The following SLC39A14 variants were observed in gnomAD, a reference collection of about 807,000 sequenced individuals.
SLC39A14 encodes solute carrier family 39 member 14, also known as metal cation symporter ZIP14.
In SLC39A14, 19 loss-of-function variants were observed where a neutral mutation model predicts 45.5. The observed-to-expected ratio is 0.42, with a 90% CI of 0.29 to 0.61. The LOEUF (loss-of-function observed/expected upper bound fraction) is 0.61. SLC39A14 is among the 20% of genes least tolerant of loss of function. SLC39A14 has a pLI of 0.22. For missense variants in SLC39A14, 447 were observed against 616.5 expected (o/e 0.73, Z 2.91); for synonymous variants, 264 against 251.3 (o/e 1.05, Z -0.48).
intron 1 of SLC39A14, among the ~76,000 whole-genome samples, chr8:22,392,560 A>G (rs1006164952): frequency 6.6e-6 from 1 of 152,180 alleles, no homozygotes; most frequent in Non-Finnish European, 1.5e-5. Context: ...GACAAATGGG[A>G]GTGAACTTGG....
At chr8:22,379,576 T>A (rs976242410) in intron 1 of SLC39A14, 3 of 152,220 alleles carry the variant, frequency 2.0e-5, no homozygotes, top group Non-Finnish European at 2.9e-5. Context: ...TGCAGTACAG[T>A]CAGCTCGCAG....
intron 3 of SLC39A14, among the ~76,000 whole-genome samples, chr8:22,411,246 G>T (rs766448872): frequency 6.6e-6 from 1 of 152,202 alleles, no homozygotes; most frequent in Admixed American, 6.5e-5. Context: ...TCTCATCCTG[G>T]TCTGGTTCTG....
chr8:22,388,206 A>G (rs1374360379), intron 1 of SLC39A14, among the ~76,000 whole-genome samples: 1 of 152,168 alleles, frequency 6.6e-6, no homozygotes, highest in Non-Finnish European at 1.5e-5. Context: ...TGGGGATGGG[A>G]CTGGTGCTGG....
At chr8:22,383,094 G>A (rs1040399885) in intron 1 of SLC39A14, among the ~76,000 whole-genome samples, 1 of 152,138 alleles carries the variant, frequency 6.6e-6, no homozygotes, top group Non-Finnish European at 1.5e-5. Flanking sequence ...GGAAAGCTGG[G>A]TGTGGTATGG....
chr8:22,373,837 G>A (rs112103736), intron 1 of SLC39A14, among the ~76,000 whole-genome samples: 3,943 of 149,144 alleles, frequency 0.026, 162 homozygotes, highest in African/African-American at 0.091. Flanking sequence ...CAATCTCACC[G>A]CAACCTATAC....
chr8:22,431,719 C>T (rs1299884684), intron 8 of SLC39A14, among the ~76,000 whole-genome samples: 3 of 152,048 alleles, frequency 2.0e-5, no homozygotes, highest in Admixed American at 2.0e-4. Flanking sequence ...CTGACCAATG[C>T]AGAAAATAAA....
chr8:22,415,813 C>T lies in SLC39A14; in HGVS notation c.795C>T (p.Ser265=), dbSNP rs1337818550. 6.2e-7 allele frequency: 1 copy of T among 1,613,414 alleles called. No individual in the cohort carries two copies. The highest frequency in any genetic ancestry group is 8.5e-7 in the Non-Finnish European group (1 of 1,179,842). The part of the protein sequence containing the change: ...HSHYASESLP[S]KKDQEEGVME... ...ATTATGCCTCTGAGTCGCTTCCCTCCAAGAAGGACCAGGAGGAGGGGGTGA... is the reference window on the plus strand; with the variant it reads ...ATTATGCCTCTGAGTCGCTTCCCTCTAAGAAGGACCAGGAGGAGGGGGTGA... The change falls in exon 6 of 9, where the codon TCC becomes TCT. Residue 265 remains serine (S), a synonymous_variant. Coordinates refer to ENST00000381237, the MANE Select transcript of SLC39A14 (RefSeq NM_001128431.4).
intron 1 of SLC39A14, among the ~76,000 whole-genome samples, chr8:22,401,543 CTTTTT>C (rs71544899): frequency 2.4e-5 from 2 of 84,052 alleles, no homozygotes; most frequent in Non-Finnish European, 4.0e-5. Context: ...TCTTCTCTTT[CTTTTT>C]TTTTTTTTTT....
intron 2 of SLC39A14, among the ~76,000 whole-genome samples, chr8:22,406,797 C>CT (rs1835244409): frequency 6.6e-6 from 1 of 152,112 alleles, no homozygotes; most frequent in Non-Finnish European, 1.5e-5. Flanking sequence ...CGTGCCCCCG[C>CT]GGGGTAATGC....
chr8:22,416,139 C>G lies in SLC39A14; in HGVS notation c.1006C>G (p.Leu336Val), dbSNP rs749977510. 1.2e-6 allele frequency: 2 copies of G among 1,614,126 alleles called. No individual in the cohort carries two copies. Among genetic ancestry groups the G allele is most frequent in the South Asian group, 1.1e-5 (1 of 91,068 alleles). The change falls in exon 7 of 9, where the codon CTG becomes GTG. Residue 336 changes from leucine to valine, a missense_variant. Physicochemically the swap from Leu to Val is conservative, Grantham distance 32. Around this residue, in one of 2 missense-constraint regions of SLC39A14, gnomAD observed 342 missense variants for 428.1 expected, o/e 0.80. Coordinates refer to ENST00000381237, the MANE Select transcript of SLC39A14 (RefSeq NM_001128431.4). ...TGTCCGCTACTCTGATATCGGCACT[C>G]TGGCCTGGATGATCACTCTGAGCGA... ...KGVRYSDIGT[L>V]AWMITLSDGL...
intron 1 of SLC39A14, among the ~76,000 whole-genome samples, chr8:22,397,380 C>G (rs1434850271): frequency 1.3e-5 from 2 of 152,148 alleles, no homozygotes; most frequent in African/African-American, 4.8e-5. Flanking sequence ...AGATCGAGAC[C>G]ATCCTGGCTA....
intron 3 of SLC39A14, chr8:22,409,894 G>C: frequency 6.2e-7 from 1 of 1,601,618 alleles, no homozygotes; most frequent in South Asian, 1.1e-5. Flanking sequence ...GGCAGCAGGA[G>C]TGTCCCCACC....
intron 1 of SLC39A14, among the ~76,000 whole-genome samples, chr8:22,386,440 T>C (rs1833799325): frequency 1.3e-5 from 2 of 151,974 alleles, no homozygotes. Flanking sequence ...CTAATTTTTG[T>C]ATTTTTAGTA....
intron 1 of SLC39A14, among the ~76,000 whole-genome samples, chr8:22,373,095 C>CT (rs1373239465): frequency 4.6e-5 from 7 of 151,938 alleles, no homozygotes. Flanking sequence ...AACCTCGTCT[C>CT]TACTAAAAAT....
downstream of SLC39A14, among the ~76,000 whole-genome samples, chr8:22,423,080 T>C (rs1183449199): frequency 6.6e-6 from 1 of 152,110 alleles, no homozygotes; most frequent in African/African-American, 2.4e-5. Flanking sequence ...CGCCTTGGCC[T>C]CCCAAAGTCT....
At chr8:22,398,797 G>C (rs7833302) in intron 1 of SLC39A14, 1 of 976,980 alleles carries the variant, frequency 1.0e-6, no homozygotes, top group East Asian at 1.1e-4. Flanking sequence ...GAAGGGTGAC[G>C]GTAGGTGGAA....
chr8:22,385,638 G>C (rs941401053), intron 1 of SLC39A14, among the ~76,000 whole-genome samples: 1 of 152,166 alleles, frequency 6.6e-6, no homozygotes, highest in African/African-American at 2.4e-5. Context: ...CCAGTTATAT[G>C]GTCAGCAGGA....
chr8:22,382,908 G>A (rs1318426271), intron 1 of SLC39A14, among the ~76,000 whole-genome samples: 1 of 151,698 alleles, frequency 6.6e-6, no homozygotes, highest in African/African-American at 2.4e-5. Context: ...GGTAGAGACG[G>A]GGTTTCACTA....
chr8:22,394,091 C>T (rs373371439), intron 1 of SLC39A14, among the ~76,000 whole-genome samples: 1 of 150,850 alleles, frequency 6.6e-6, no homozygotes, highest in African/African-American at 2.4e-5. Flanking sequence ...ACTGCAACCT[C>T]TGCCTCCGGG....
Sources: allele counts gnomAD v4.1 joint callset (sites outside exome capture counted in the v4.1 genomes callset), GRCh38; gene constraint gnomAD v4.1.1; regional missense constraint gnomAD v4.1.1; transcripts MANE v1.5; gene names NCBI Gene and HGNC (gene_info 2026-07-23, HGNC 2026-07-21).